The following BCL7C variants were observed in gnomAD, a reference collection of about 807,000 sequenced individuals.
The protein encoded by BCL7C is BAF chromatin remodeling complex subunit BCL7C.
Under a neutral mutation model 26.2 loss-of-function variants are expected in BCL7C, and 8 were observed. The observed-to-expected ratio is 0.30, with a 90% CI of 0.18 to 0.55. The LOEUF is 0.55. BCL7C is among the 20% of genes least tolerant of loss of function. The pLI is 0.93. For synonymous variants in BCL7C, 90 were observed against 116.5 expected, an observed-to-expected ratio of 0.77 and a Z score of 1.47; for missense variants, 262 against 298.5, an observed-to-expected ratio of 0.88 and a Z score of 0.90.
Position 30,859,346 on chromosome 16 carries a change from G to A in BCL7C, c.529-24198C>T, listed in dbSNP as rs187206154. Among the ~76,000 whole-genome samples, 58 of 152,268 alleles carry A rather than the reference G, an allele frequency of 3.8e-4. 1 individual carries two copies. Among genetic ancestry groups the A allele is most frequent in the African/African-American group, 1.3e-3 (56 of 41,552 alleles). On this transcript the variant is annotated intron_variant, in intron 5 of 5. Transcript: ENST00000380317. Reference sequence around the variant, plus strand: ...AAAATCCTAATAACAGTCCCACCATGGTGGTTTACACCTGAAATCCCAGCA... The same window carrying A: ...AAAATCCTAATAACAGTCCCACCATAGTGGTTTACACCTGAAATCCCAGCA...
At chr16:30,871,051 G>A (rs2054878223) in intron 5 of BCL7C, among the ~76,000 whole-genome samples, 1 of 152,190 alleles carries the variant, frequency 6.6e-6, no homozygotes, top group African/African-American at 2.4e-5. Context: ...TGCAGGCCAG[G>A]GGAACAGTTG....
At chr16:30,891,760 T>C (rs1012010453) in intron 4 of BCL7C, among the ~76,000 whole-genome samples, 1 of 151,540 alleles carries the variant, frequency 6.6e-6, no homozygotes, top group African/African-American at 2.4e-5. Flanking sequence ...AGGCCACGAG[T>C]TCAAAACCAA....
At position 30,892,628 on chromosome 16, in the gene BCL7C, C is replaced by A. The variant is rs760991210; in HGVS notation, c.400G>T (p.Val134Phe). 1 of 1,605,986 alleles carries A rather than the reference C, an allele frequency of 6.2e-7. No individual in the cohort carries two copies. The highest frequency in any genetic ancestry group is 1.1e-5 in the South Asian group (1 of 90,186). Residue 134 changes from valine (V) to phenylalanine (F), a missense_variant, in exon 4 of 6, where the codon GTC becomes TTC. Physicochemically the swap from Val to Phe is conservative, Grantham distance 50. Transcript: ENST00000215115. ...CGTGGGGGCTGAGCCTCCTCAGGGA[C>A]CCCTTCTGGGGGTCCGGCAGGTGAC... ...PVSPAGPPEG[V>F]PEEAQPPRLG...
At position 30,858,031 on chromosome 16, in the gene BCL7C, A is replaced by G. The variant is rs1471812169; in HGVS notation, c.529-22883T>C. Among the ~76,000 whole-genome samples, 4 of 151,848 alleles carry G rather than the reference A, an allele frequency of 2.6e-5. No homozygotes were observed. The East Asian group carries it at 7.7e-4, about 29-fold the overall frequency. On this transcript the variant is annotated intron_variant, in intron 5 of 5. Transcript: ENST00000380317. The stretch of plus-strand genomic sequence containing the variant: ...AGCCATGCCTTGGATTGTAATAGCT[A>G]GCCTTTGGTTAATTTATAGAGTTCT...
chr16:30,863,895 A>C (rs2054799052), intron 5 of BCL7C, among the ~76,000 whole-genome samples: 2 of 152,066 alleles, frequency 1.3e-5, no homozygotes, highest in South Asian at 4.1e-4. Flanking sequence ...CTTGGAGTGG[A>C]TAGATGATCT....
intron 5 of BCL7C, among the ~76,000 whole-genome samples, chr16:30,860,427 C>T (rs1167491003): frequency 6.6e-6 from 1 of 152,166 alleles, no homozygotes; most frequent in Non-Finnish European, 1.5e-5. Context: ...AAACTTACCT[C>T]CTTTGCGATG....
At position 30,834,458 on chromosome 16, in the gene BCL7C, C is replaced by G. The variant is rs1169966683; in HGVS notation, c.*490G>C. On this transcript the variant is annotated 3_prime_UTR_variant, in exon 6 of 6. Transcript: ENST00000380317. The surrounding 1 kb of genome is among the most constrained non-coding windows in gnomAD (Gnocchi z 4.3). ...CATATGCATGGACGTCCAGGTGCCA[C>G]GTGGGCATCTCGTGGTGCTGCAGAA... 1.3e-5 allele frequency: 2 copies of G among 153,434 alleles called. No homozygotes were observed. Among genetic ancestry groups the G allele is most frequent in the Non-Finnish European group, 2.9e-5 (2 of 68,878 alleles). The allele number at this position is 153,434 out of a possible 1,614,324, so 9.5% of individuals were successfully genotyped here.
intron 5 of BCL7C, among the ~76,000 whole-genome samples, chr16:30,857,073 T>A (rs936771031): frequency 6.6e-6 from 1 of 152,176 alleles, no homozygotes; most frequent in African/African-American, 2.4e-5. Context: ...AAAGGAAAAG[T>A]CCTGAGTCAG....
At chr16:30,891,323 A>C (rs1022349733) in intron 4 of BCL7C, among the ~76,000 whole-genome samples, 3 of 151,922 alleles carry the variant, frequency 2.0e-5, no homozygotes, top group Non-Finnish European at 4.4e-5. Flanking sequence ...CCAGCCGAGC[A>C]TGGTGGTTCA....
Position 30,888,047 on chromosome 16 carries a change from G to C in BCL7C, c.529-57C>G, listed in dbSNP as rs536716341. 939 of 1,542,800 alleles carry C rather than the reference G, an allele frequency of 6.1e-4. 3 individuals are homozygous for C. In the African/African-American group the frequency reaches 0.01, roughly 17 times the overall value. On this transcript the variant is annotated intron_variant, in intron 5 of 5. Coordinates refer to ENST00000215115, the MANE Select transcript of BCL7C (RefSeq NM_004765.4). ...CACAGAACCCAGGCGTCCAGCCTCT[G>C]AGCCTCTGCCTTCTCCAAAGCCTCC...
chr16:30,888,760 C>A, intron 5 of BCL7C, 100 bp downstream of exon 5: 1 of 1,117,420 alleles, frequency 8.9e-7, no homozygotes. Flanking sequence ...CCAGGTCTGC[C>A]TCTCCTCCAG....
chr16:30,861,857 C>CTTTTTTTT (rs35135586), intron 5 of BCL7C, among the ~76,000 whole-genome samples: 2 of 68,824 alleles, frequency 2.9e-5, no homozygotes, highest in Non-Finnish European at 5.2e-5. Flanking sequence ...GGACAACATG[C>CTTTTTTTT]TTTTTTTTTT....
chr16:30,882,972 G>A (rs1302179964), downstream of BCL7C, among the ~76,000 whole-genome samples: 2 of 152,182 alleles, frequency 1.3e-5, no homozygotes, highest in African/African-American at 4.8e-5. Flanking sequence ...ATGAGGCTGG[G>A]GTCTCTGGGA....
rs186825573 is a variant in BCL7C, at chr16:30,867,170, G to A, written c.528+21690C>T. On this transcript the variant is annotated intron_variant, in intron 5 of 5. Transcript: ENST00000380317. ...ACAAAAATGTTGAAAGTTAATAGATGGACAAAAAAATTCCAGGCCCAAAAA... is the reference window on the plus strand; with the variant it reads ...ACAAAAATGTTGAAAGTTAATAGATAGACAAAAAAATTCCAGGCCCAAAAA... Among the ~76,000 whole-genome samples, 28 of 152,146 alleles carry A rather than the reference G, an allele frequency of 1.8e-4. No homozygotes were observed. In the East Asian group the frequency reaches 5.2e-3, roughly 28 times the overall value.
intron 4 of BCL7C, among the ~76,000 whole-genome samples, chr16:30,891,186 AG>A: frequency 6.8e-6 from 1 of 148,066 alleles, no homozygotes; most frequent in East Asian, 2.0e-4. Context: ...AAAAAAAAAA[AG>A]GCTGGGCGTG....
intron 5 of BCL7C, among the ~76,000 whole-genome samples, chr16:30,878,208 C>T (rs1006414806): frequency 6.7e-6 from 1 of 150,320 alleles, no homozygotes. Flanking sequence ...AATCCCAGGG[C>T]CCAGGTTGCA....
chr16:30,872,251 T>C (rs919256401), intron 5 of BCL7C, among the ~76,000 whole-genome samples: 1 of 152,076 alleles, frequency 6.6e-6, no homozygotes, highest in East Asian at 1.9e-4. Flanking sequence ...GCGGCTGTGC[T>C]CCAGGAAAGT....
At chr16:30,835,863 A>AT (rs906218496) in intron 5 of BCL7C, among the ~76,000 whole-genome samples, 1 of 151,630 alleles carries the variant, frequency 6.6e-6, no homozygotes, top group Non-Finnish European at 1.5e-5. Context: ...AAAAGAAAAA[A>AT]TTTTTTTAGC....
intron 5 of BCL7C, among the ~76,000 whole-genome samples, chr16:30,855,401 C>G (rs937702580): frequency 1.3e-5 from 2 of 152,064 alleles, no homozygotes; most frequent in East Asian, 3.9e-4. Flanking sequence ...CACCACCACA[C>G]CCGGCTAATT....
Sources: allele counts gnomAD v4.1 joint callset (sites outside exome capture counted in the v4.1 genomes callset), GRCh38; gene constraint gnomAD v4.1.1; non-coding constraint Gnocchi (gnomAD v3.1); transcripts MANE v1.5; gene names NCBI Gene and HGNC (gene_info 2026-07-23, HGNC 2026-07-21).